CACNA2D3: variants seen among roughly 807,000 people sequenced by gnomAD.
CACNA2D3 encodes voltage-dependent calcium channel subunit alpha-2/delta-3.
A neutral mutation model predicts 160.6 loss-of-function variants in CACNA2D3; 60 were observed. The observed-to-expected ratio is 0.37, with a 90% CI of 0.30 to 0.46. The LOEUF (loss-of-function observed/expected upper bound fraction) is 0.46. Ranked by LOEUF, CACNA2D3 falls within the 20% of genes least tolerant of loss-of-function variation. The pLI is 1.00. For missense variants in CACNA2D3, 1,205 were observed against 1,365.0 expected, an observed-to-expected ratio of 0.88 and a Z score of 1.85; for synonymous variants, 558 against 492.9, an observed-to-expected ratio of 1.13 and a Z score of -1.75.
intron 2 of CACNA2D3, among the ~76,000 whole-genome samples, chr3:54,282,851 G>GTT (rs879414759): frequency 7.2e-6 from 1 of 139,736 alleles, no homozygotes. Context: ...TTTTCGCTTT[G>GTT]TTTTTTTTTT....
At chr3:54,451,520 C>G (rs1456451450) in intron 4 of CACNA2D3, among the ~76,000 whole-genome samples, 4 of 152,140 alleles carry the variant, frequency 2.6e-5, no homozygotes, top group Non-Finnish European at 5.9e-5. Context: ...AATCCCATCT[C>G]TATTCCGGGC....
chr3:54,172,069 C>A (rs549886356), intron 2 of CACNA2D3, among the ~76,000 whole-genome samples: 1 of 152,194 alleles, frequency 6.6e-6, no homozygotes, highest in Non-Finnish European at 1.5e-5. Context: ...ATTTTCCTTG[C>A]GAGCACTCCT....
Position 54,376,604 on chromosome 3 carries a change from A to G in CACNA2D3, c.322-10111A>G, listed in dbSNP as rs1466908963. Among the ~76,000 whole-genome samples the G allele has an allele frequency of 2.0e-5, 3 of 152,116 alleles. No homozygotes were observed. In the East Asian group the frequency reaches 5.8e-4, roughly 29 times the overall value. On this transcript the variant is annotated intron_variant, in intron 3 of 37. Transcript: ENST00000474759. ...GTAGCCCACGCCACATTATCTAGTTATTTGCCTCTTCTCCCAACTGAACTG... is the reference window on the plus strand; with the variant it reads ...GTAGCCCACGCCACATTATCTAGTTGTTTGCCTCTTCTCCCAACTGAACTG...
At chr3:54,256,903 AGTTTTCCACATTATTT>A (rs1334430538) in intron 2 of CACNA2D3, among the ~76,000 whole-genome samples, 1 of 152,214 alleles carries the variant, frequency 6.6e-6, no homozygotes, top group Non-Finnish European at 1.5e-5. Context: ...TATGGAGGGT[AGTTTTCCACATTATTT>A]GTCGCACTTT....
rs1049408284 is a variant in CACNA2D3, at chr3:54,635,275, G to T, written c.1054-6853G>T. Among the ~76,000 whole-genome samples, 26 of 152,096 alleles carry T rather than the reference G, an allele frequency of 1.7e-4. 1 individual carries two copies. The highest frequency in any genetic ancestry group is 6.0e-4 in the African/African-American group (25 of 41,380). On this transcript the variant is annotated intron_variant, in intron 10 of 37. Transcript: ENST00000474759. Reference sequence around the variant, plus strand: ...AGAATTGGGAGGACCTAGGGCATCTGATTAGAGAGTGCCTAAGGAAATTCA... The same window carrying T: ...AGAATTGGGAGGACCTAGGGCATCTTATTAGAGAGTGCCTAAGGAAATTCA...
At chr3:54,615,932 T>C (rs1471338402) in intron 9 of CACNA2D3, among the ~76,000 whole-genome samples, 1 of 152,194 alleles carries the variant, frequency 6.6e-6, no homozygotes, top group Non-Finnish European at 1.5e-5. Context: ...GAACTATGCA[T>C]ACAAGGAATC....
At chr3:54,313,744 A>G (rs1044312709) in intron 2 of CACNA2D3, among the ~76,000 whole-genome samples, 1 of 65,028 alleles carries the variant, frequency 1.5e-5, no homozygotes, top group African/African-American at 5.6e-5. Flanking sequence ...TGCCCCTCCC[A>G]CCCCACCCCC....
intron 2 of CACNA2D3, among the ~76,000 whole-genome samples, chr3:54,288,815 C>CA (rs1446045374): frequency 6.6e-6 from 1 of 152,050 alleles, no homozygotes. Context: ...GAACCAAAGA[C>CA]AAAAACCACG....
intron 35 of CACNA2D3, among the ~76,000 whole-genome samples, chr3:55,059,544 C>A (rs1054109328): frequency 2.0e-5 from 3 of 152,168 alleles, no homozygotes; most frequent in Non-Finnish European, 4.4e-5. Flanking sequence ...CACTTTTGGG[C>A]TCCAGCCCCA....
At chr3:54,586,199 G>A (rs1702757253) in intron 9 of CACNA2D3, among the ~76,000 whole-genome samples, 1 of 146,272 alleles carries the variant, frequency 6.8e-6, no homozygotes, top group African/African-American at 2.6e-5. Flanking sequence ...GGGAGGTGGA[G>A]GTTGCAGTGA....
At position 54,829,885 on chromosome 3, in the gene CACNA2D3, CTTTTTTTT is replaced by C. The variant is rs58291013; in HGVS notation, c.1399-7254_1399-7247del. ...CATATCTTTTCTTCTTCTTCTTCAT[CTTTTTTTT>C]TTTTTTTTTTTTTTTTTTTGAGATG... On this transcript the variant is annotated intron_variant, in intron 14 of 37. Coordinates refer to ENST00000474759, the MANE Select transcript of CACNA2D3 (RefSeq NM_018398.3). Among the ~76,000 whole-genome samples, 616 of 64,346 alleles carry C rather than the reference CTTTTTTTT, an allele frequency of 9.6e-3. 7 individuals are homozygous for C. The highest frequency in any genetic ancestry group is 0.062 in the Admixed American group (307 of 4,942). 42.2% of individuals were successfully genotyped at this position (64,346 alleles called of 152,430 possible).
intron 2 of CACNA2D3, among the ~76,000 whole-genome samples, chr3:54,131,244 C>T (rs1559856519): frequency 6.6e-6 from 1 of 152,218 alleles, no homozygotes; most frequent in Non-Finnish European, 1.5e-5. Context: ...CCAGCTGACC[C>T]CTGATGAGAG....
intron 11 of CACNA2D3, among the ~76,000 whole-genome samples, chr3:54,670,133 G>T (rs944812063): frequency 6.6e-6 from 1 of 152,138 alleles, no homozygotes; most frequent in African/African-American, 2.4e-5. Flanking sequence ...GAATTGCAAG[G>T]CTTCACAGTT....
chr3:54,654,193 G>T (rs116687293), intron 11 of CACNA2D3, among the ~76,000 whole-genome samples: 408 of 152,128 alleles, frequency 2.7e-3, no homozygotes, highest in African/African-American at 9.5e-3. Flanking sequence ...GCAGTGGGGG[G>T]TCTTGCCAAA....
At chr3:54,920,586 A>C (rs1700815367) in intron 27 of CACNA2D3, among the ~76,000 whole-genome samples, 1 of 152,198 alleles carries the variant, frequency 6.6e-6, no homozygotes, top group Admixed American at 6.5e-5. Flanking sequence ...CATTGAGATT[A>C]AGGATTCTTG....
rs959676431 is a variant in CACNA2D3, at chr3:54,885,544, G to A, written c.2014G>A (p.Ala672Thr). The stretch of plus-strand genomic sequence containing the variant: ...GCACCGCCATCTGTCTCAGTTAGAA[G>A]CGATTAAGCTCTACCTAAAAGGCAA... The part of the protein sequence containing the change: ...PEHRHLSQLE[A>T]IKLYLKGKEP... The change falls in exon 23 of 38, where the codon GCG becomes ACG. Residue 672 changes from alanine to threonine, a missense_variant. Physicochemically the swap from Ala to Thr is moderately conservative, Grantham distance 58 (BLOSUM62 0). Around this residue, in one of 3 missense-constraint regions of CACNA2D3, gnomAD observed 911 missense variants for 1,002.2 expected, o/e 0.91. Coordinates refer to ENST00000474759, the MANE Select transcript of CACNA2D3 (RefSeq NM_018398.3). The A allele has an allele frequency of 4.3e-6, 7 of 1,613,656 alleles. No homozygotes were observed. The highest frequency in any genetic ancestry group is 5.9e-6 in the Non-Finnish European group (7 of 1,179,776).
chr3:54,937,123 A>G (rs1265273801), intron 27 of CACNA2D3, among the ~76,000 whole-genome samples: 1 of 152,166 alleles, frequency 6.6e-6, no homozygotes, highest in African/African-American at 2.4e-5. Flanking sequence ...CTGAAGGTGA[A>G]GACACCCTTA....
At chr3:54,149,010 C>T (rs971456996) in intron 2 of CACNA2D3, among the ~76,000 whole-genome samples, 13 of 149,282 alleles carry the variant, frequency 8.7e-5, no homozygotes, top group African/African-American at 3.0e-4. Context: ...ACAACTCAAG[C>T]ACCAACCAAT....
At position 54,587,575 on chromosome 3, in the gene CACNA2D3, A is replaced by T. The variant is rs1302851174; in HGVS notation, c.963+5698A>T. Among the ~76,000 whole-genome samples, 4 of 152,088 alleles carry T rather than the reference A, an allele frequency of 2.6e-5. No homozygotes were observed. The East Asian group carries it at 7.7e-4, about 29-fold the overall frequency. ...TGTCTCAAAAAAACAAGTTAAAAAA[A>T]TTTAAAAAAATAAAAAGAGAGAAGA... is the stretch of plus-strand genomic sequence containing the variant. On this transcript the variant is annotated intron_variant, in intron 9 of 37. Coordinates refer to ENST00000474759, the MANE Select transcript of CACNA2D3 (RefSeq NM_018398.3).
Sources: gnomAD v4.1 joint callset for allele counts (sites outside exome capture counted in the v4.1 genomes callset) on GRCh38, gnomAD v4.1.1 for gene constraint, gnomAD v4.1.1 regional missense constraint, MANE v1.5 for transcripts, NCBI Gene and HGNC (gene_info 2026-07-23, HGNC 2026-07-21) for gene names.